Variants in ELF2 observed in about 807,000 individuals in gnomAD.
The protein encoded by ELF2 is ETS-related transcription factor Elf-2.
ELF2 carries 11 observed loss-of-function variants against 54.8 expected under a neutral mutation model. That is an observed-to-expected ratio of 0.20 (90% CI 0.13 to 0.33). The LOEUF (loss-of-function observed/expected upper bound fraction) is 0.33. Among genes scored for constraint, ELF2 ranks in the 10% least tolerant of loss-of-function variants. The probability of loss-of-function intolerance (pLI) is 1.00; values close to 1 mark genes in which losing one functional copy is unlikely to be tolerated. For synonymous variants in ELF2, 203 were observed against 245.1 expected, an observed-to-expected ratio of 0.83 and a Z score of 1.61; for missense variants, 513 against 703.0, an observed-to-expected ratio of 0.73 and a Z score of 3.06.
Position 139,059,193 on chromosome 4 carries a change from T to C in ELF2, c.1572A>G (p.Arg524=), listed in dbSNP as rs372451713. The C allele has an allele frequency of 8.1e-6, 13 of 1,613,868 alleles. No individual in the cohort carries two copies. In the African/African-American group the frequency reaches 1.5e-4, roughly 18 times the overall value. ...TQQASGQTPP[R]VISAVIKGPE... ...GCCCCTTTATGACTGCACTGATAAC[T>C]CGAGGAGGAGTCTGGCCAGATGCCT... The change falls in exon 10 of 10, where the codon CGA becomes CGG. Residue 524 remains arginine (R), a synonymous_variant. Coordinates refer to ENST00000686138, the MANE Select transcript of ELF2 (RefSeq NM_001331036.3).
chr4:139,073,682 T>C, intron 4 of ELF2, 115 bp from the exon 5 acceptor site: 1 of 484,752 alleles, frequency 2.1e-6, no homozygotes, highest in Non-Finnish European at 3.5e-6. Context: ...TAAATAAATA[T>C]AAAATAACAT....
chr4:139,114,593 AC>A (rs1735373042), intron 4 of ELF2, among the ~76,000 whole-genome samples: 1 of 146,234 alleles, frequency 6.8e-6, no homozygotes, highest in African/African-American at 2.5e-5. Flanking sequence ...ACACACACAC[AC>A]ACAATTTAGG....
At chr4:139,128,926 C>T (rs1413401268) in intron 3 of ELF2, among the ~76,000 whole-genome samples, 1 of 152,086 alleles carries the variant, frequency 6.6e-6, no homozygotes, top group Non-Finnish European at 1.5e-5. Flanking sequence ...ATTCATTCTT[C>T]CAACTTTCTC....
At chr4:139,079,739 C>T (rs918859736) in intron 4 of ELF2, among the ~76,000 whole-genome samples, 4 of 152,062 alleles carry the variant, frequency 2.6e-5, no homozygotes, top group Admixed American at 1.3e-4. Context: ...TGGTAAAACC[C>T]CATTTCTACT....
intron 6 of ELF2, among the ~76,000 whole-genome samples, chr4:139,070,468 T>C (rs1729363151): frequency 2.0e-5 from 3 of 152,038 alleles, no homozygotes. Context: ...GTTTTGTATT[T>C]TTAGTAGAGA....
chr4:139,067,384 TATC>T (rs895488305), intron 7 of ELF2: 1 of 296,660 alleles, frequency 3.4e-6, no homozygotes, highest in Admixed American at 4.3e-5. Flanking sequence ...TGGGTGCTAT[TATC>T]CTGTAAGTCA....
chr4:139,124,921 T>A (rs1736765919), intron 4 of ELF2, among the ~76,000 whole-genome samples: 1 of 152,194 alleles, frequency 6.6e-6, no homozygotes, highest in Non-Finnish European at 1.5e-5. Flanking sequence ...AACTTTATCA[T>A]TATGTGAAGC....
chr4:139,147,878 C>A (rs937973652), intron 1 of ELF2, among the ~76,000 whole-genome samples: 2 of 151,208 alleles, frequency 1.3e-5, no homozygotes, highest in African/African-American at 4.9e-5. Flanking sequence ...CCTCCGCCTC[C>A]CAGGTTCAAG....
At chr4:139,108,323 C>T (rs1403793633) in intron 4 of ELF2, among the ~76,000 whole-genome samples, 1 of 152,072 alleles carries the variant, frequency 6.6e-6, no homozygotes, top group Non-Finnish European at 1.5e-5. Flanking sequence ...TAAGTGGCTT[C>T]CTCAAGGTTA....
intron 4 of ELF2, among the ~76,000 whole-genome samples, chr4:139,081,276 G>A (rs1731074361): frequency 6.6e-6 from 1 of 152,010 alleles, no homozygotes; most frequent in Non-Finnish European, 1.5e-5. Context: ...AACTCCTCTG[G>A]CAGCATAAAT....
intron 4 of ELF2, among the ~76,000 whole-genome samples, chr4:139,107,620 C>T (rs1734547421): frequency 6.6e-6 from 1 of 152,052 alleles, no homozygotes; most frequent in African/African-American, 2.4e-5. Context: ...CTTTACCATG[C>T]AATCAGGGAA....
chr4:139,081,547 T>C (rs1160330783), intron 4 of ELF2, among the ~76,000 whole-genome samples: 3 of 152,216 alleles, frequency 2.0e-5, no homozygotes, highest in Non-Finnish European at 4.4e-5. Context: ...ATACATTATA[T>C]AGATTTTCAC....
At chr4:139,164,406 C>T (rs1439730858) in intron 1 of ELF2, among the ~76,000 whole-genome samples, 2 of 152,062 alleles carry the variant, frequency 1.3e-5, no homozygotes, top group African/African-American at 2.4e-5. Flanking sequence ...GAGGCGGAGG[C>T]GGGTGGATCA....
chr4:139,098,253 G>A (rs1733495340), intron 4 of ELF2, among the ~76,000 whole-genome samples: 1 of 152,034 alleles, frequency 6.6e-6, no homozygotes, highest in South Asian at 2.1e-4. Context: ...GATATGTCTA[G>A]TTTTCCTAAA....
chr4:139,137,642 T>A lies in ELF2; in HGVS notation c.60A>T (p.Val20=). 6.2e-7 allele frequency: 1 copy of A among 1,614,034 alleles called. No individual in the cohort carries two copies. The highest frequency in any genetic ancestry group is 1.1e-5 in the South Asian group (1 of 91,084). Residue 20 remains valine, a synonymous_variant, in exon 3 of 10, where the codon GTA becomes GTT. Coordinates refer to ENST00000686138, the MANE Select transcript of ELF2 (RefSeq NM_001331036.3). ...TTGAATGCCTAACCTCTTGATTTTC[T>A]ACTCCATTGCTGGAAAGCTCCAAAA... is the stretch of plus-strand genomic sequence containing the variant. The part of the protein sequence containing the change: ...GTILELSSNG[V]ENQEESEKVS...
chr4:139,169,095 C>A (rs1387014402), intron 1 of ELF2, among the ~76,000 whole-genome samples: 1 of 151,814 alleles, frequency 6.6e-6, no homozygotes, highest in Non-Finnish European at 1.5e-5. Context: ...CGCTTGTAAT[C>A]CCAGCACTTT....
chr4:139,173,950 G>A (rs1425711688), intron 1 of ELF2, among the ~76,000 whole-genome samples: 3 of 151,016 alleles, frequency 2.0e-5, no homozygotes, highest in Non-Finnish European at 4.4e-5. Flanking sequence ...TTAGCCGGAC[G>A]CGGTGGCTCA....
chr4:139,147,638 A>AT (rs1027734694), intron 1 of ELF2, among the ~76,000 whole-genome samples: 4 of 149,512 alleles, frequency 2.7e-5, no homozygotes, highest in African/African-American at 4.9e-5. Context: ...CGCCCAGCTA[A>AT]TTTTTTTTTG....
intron 1 of ELF2, among the ~76,000 whole-genome samples, chr4:139,173,596 A>T (rs1368059949): frequency 6.6e-6 from 1 of 151,380 alleles, no homozygotes; most frequent in Non-Finnish European, 1.5e-5. Context: ...ATCTCTACTA[A>T]AAATACAAAA....
Sources: gnomAD v4.1 joint callset for allele counts (sites outside exome capture counted in the v4.1 genomes callset) on GRCh38, gnomAD v4.1.1 for gene constraint, MANE v1.5 for transcripts, NCBI Gene and HGNC (gene_info 2026-07-23, HGNC 2026-07-21) for gene names.